The following TALDO1 variants were observed in gnomAD, a reference collection of about 807,000 sequenced individuals.
The protein encoded by TALDO1 is transaldolase 1.
A neutral mutation model predicts 38.1 loss-of-function variants in TALDO1; 29 were observed. That is an observed-to-expected ratio of 0.76 (90% confidence interval 0.57 to 1.04). The LOEUF is 1.04. Ranked by LOEUF, TALDO1 falls within the 50% of genes least tolerant of loss-of-function variation. The pLI, the probability that TALDO1 is intolerant of heterozygous loss-of-function variation, is 0.00. For missense variants in TALDO1, 499 were observed against 438.1 expected (o/e 1.14, Z -1.24); for synonymous variants, 207 against 176.8 (o/e 1.17, Z -1.36).
chr11:748,204 A>T (rs1331075469), intron 1 of TALDO1, among the ~76,000 whole-genome samples: 1 of 152,380 alleles, frequency 6.6e-6, no homozygotes, highest in Admixed American at 6.5e-5. Flanking sequence ...AGCTCTGACC[A>T]GAAGCTGCCA....
intron 4 of TALDO1, 105 bp from the exon 5 acceptor site, chr11:763,239 C>CCGCCCT (rs1862977635): frequency 7.2e-6 from 1 of 139,304 alleles, no homozygotes. Flanking sequence ...TCACCCGCCC[C>CCGCCCT]CGCCCTCACC....
Position 764,855 on chromosome 11 carries a change from G to A in TALDO1, c.*10G>A, listed in dbSNP as rs761367515. The A allele has an allele frequency of 6.2e-7, 1 of 1,613,910 alleles. No individual in the cohort carries two copies. The highest frequency in any genetic ancestry group is 1.3e-5 in the African/African-American group (1 of 74,936). On this transcript the variant is annotated 3_prime_UTR_variant, in exon 8 of 8. Transcript: ENST00000319006. The stretch of plus-strand genomic sequence containing the variant: ...AGAGAATGGAAAGTAGCGCATCCCT[G>A]AGGCTGGACTCCAGATCTGCACCGC...
At chr11:763,578 G>A in intron 5 of TALDO1, 59 bp downstream of exon 5, 2 of 1,606,548 alleles carry the variant, frequency 1.2e-6, no homozygotes, top group Non-Finnish European at 8.5e-7. Flanking sequence ...ACCTCAGGCA[G>A]GAAGAGCCCG....
At chr11:760,084 G>C in intron 3 of TALDO1, 38 bp from the exon 4 acceptor site, 4 of 1,612,418 alleles carry the variant, frequency 2.5e-6, no homozygotes, top group Non-Finnish European at 3.4e-6. Flanking sequence ...TGGGCAACCT[G>C]CGTGATCTGA....
intron 4 of TALDO1, among the ~76,000 whole-genome samples, 175 bp from the exon 5 acceptor site, chr11:763,169 C>CCTGGGCGTCGGGGTTCA (rs1554957490): frequency 6.7e-5 from 10 of 149,728 alleles, no homozygotes; most frequent in Non-Finnish European, 1.3e-4. Context: ...TCTGGGTGGG[C>CCTGGGCGTCGGGGTTCA]ACCTGGCCTG....
intron 7 of TALDO1, among the ~76,000 whole-genome samples, 165 bp from the exon 8 acceptor site, chr11:764,648 C>T (rs1438221414): frequency 6.6e-6 from 1 of 152,144 alleles, no homozygotes; most frequent in African/African-American, 2.4e-5. Flanking sequence ...CCTGGCTCCT[C>T]TCTGGCCTGT....
rs1564992495 is a variant in TALDO1, at chr11:759,035, G to A, written c.307G>A (p.Val103Ile). The A allele has an allele frequency of 1.2e-6, 2 of 1,612,828 alleles. No individual in the cohort carries two copies. Among genetic ancestry groups the A allele is most frequent in the Middle Eastern group, 1.7e-4 (1 of 6,060 alleles). The change falls in exon 3 of 8, where the codon GTA becomes ATA. Residue 103 changes from valine to isoleucine, a missense_variant. By Grantham distance (29) the Val-to-Ile change is conservative (BLOSUM62 3). Transcript: ENST00000319006. ...AEILKKIPGR[V>I]STEVDARLSF... ...AATACTAAAGAAGATTCCGGGCCGA[G>A]TATCCACAGAAGTAGACGCAAGGTA...
At chr11:753,561 AAAC>A (rs1162479213) in intron 1 of TALDO1, among the ~76,000 whole-genome samples, 2 of 151,724 alleles carry the variant, frequency 1.3e-5, no homozygotes, top group African/African-American at 2.4e-5. Context: ...ACAAAAAAAA[AAAC>A]ACAAAAAACC....
chr11:763,306 CCT>C lies in TALDO1; in HGVS notation c.462-36_462-35del. On this transcript the variant is annotated intron_variant, in intron 4 of 7. Coordinates refer to ENST00000319006, the MANE Select transcript of TALDO1 (RefSeq NM_006755.2). ...CGCCCCCGCCCTCACCTGTCCCCGC[CCT>C]CACCTGCCCCGCCCTCACCTGTCCC... The C allele has an allele frequency of 9.0e-5, 64 of 708,986 alleles. 19 individuals carry two copies. The highest frequency in any genetic ancestry group is 1.1e-4 in the East Asian group (2 of 17,576). The allele number at this position is 708,986 out of a possible 1,614,324, so 43.9% of individuals were successfully genotyped here. A position where few individuals can be genotyped will look rare whatever the true frequency, so the allele number is the denominator to read the frequency against.
At chr11:751,778 G>C (rs1312014952) in intron 1 of TALDO1, among the ~76,000 whole-genome samples, 1 of 152,042 alleles carries the variant, frequency 6.6e-6, no homozygotes, top group African/African-American at 2.4e-5. Flanking sequence ...CTGGGCGACA[G>C]AGCGAGACTC....
rs1564994961 is a variant in TALDO1 at position 764,427 on chromosome 11, G to A, written c.975G>A (p.Met325Ile). 5 of 1,610,348 alleles carry A rather than the reference G, an allele frequency of 3.1e-6. No individual in the cohort carries two copies. The highest frequency in any genetic ancestry group is 4.2e-6 in the Non-Finnish European group (5 of 1,177,498). ...CTGATGCAGTGAAGCTGGAGCGGAT[G>A]CTGACAGTGAGTGTTGTGTGTGGGT... ...FAADAVKLER[M>I]LTERMFNAEN... Residue 325 changes from methionine (M) to isoleucine (I), a missense_variant, in exon 7 of 8, where the codon ATG becomes ATA. Transcript: ENST00000319006.
At chr11:760,291 T>A in intron 4 of TALDO1, 38 bp downstream of exon 4, 1 of 1,611,154 alleles carries the variant, frequency 6.2e-7, no homozygotes, top group Non-Finnish European at 8.5e-7. Flanking sequence ...TCTCAGAGAT[T>A]TTTCCTCTGT....
rs773292742 is a variant in TALDO1, at chr11:747,486, C to T, written c.5C>T (p.Ser2Leu). 1.3e-6 allele frequency: 2 copies of T among 1,595,688 alleles called. No homozygotes were observed. Among genetic ancestry groups the T allele is most frequent in the South Asian group, 1.1e-5 (1 of 88,368 alleles). M[S>L]SSPVKRQRME... ...CGCAGACCCCTCGGTCTTGCTATGT[C>T]GAGCTCACCCGTGAAGCGTCAGAGG... Residue 2 changes from serine to leucine, a missense_variant, in exon 1 of 8, where the codon TCG becomes TTG. Transcript: ENST00000319006.
At chr11:759,371 C>G (rs1044936008) in intron 3 of TALDO1, among the ~76,000 whole-genome samples, 2 of 152,122 alleles carry the variant, frequency 1.3e-5, no homozygotes, top group Non-Finnish European at 2.9e-5. Context: ...AAGCGTTTCT[C>G]TGCCTCAGCC....
chr11:764,011 C>G, intron 6 of TALDO1, 67 bp downstream of exon 6: 2 of 1,563,378 alleles, frequency 1.3e-6, no homozygotes, highest in Non-Finnish European at 1.7e-6. Flanking sequence ...CCACGCTGCC[C>G]TGTGGGTGAT....
intron 2 of TALDO1, among the ~76,000 whole-genome samples, chr11:756,641 G>A (rs1047817520): frequency 3.3e-5 from 5 of 150,728 alleles, no homozygotes; most frequent in Admixed American, 1.3e-4. Flanking sequence ...TCAGCCTGCC[G>A]AGCAGCTGGG....
intron 4 of TALDO1, among the ~76,000 whole-genome samples, chr11:761,659 T>G (rs1022169436): frequency 2.6e-5 from 4 of 152,230 alleles, no homozygotes; most frequent in African/African-American, 9.6e-5. Context: ...CATCTGTGTG[T>G]CTGCATGTTC....
At chr11:751,763 C>G (rs916515933) in intron 1 of TALDO1, among the ~76,000 whole-genome samples, 2 of 152,022 alleles carry the variant, frequency 1.3e-5, no homozygotes, top group African/African-American at 2.4e-5. Flanking sequence ...CCACTGCACT[C>G]TAGCCTGGGC....
chr11:755,701 C>A, intron 1 of TALDO1, 178 bp from the exon 2 acceptor site: 3 of 815,878 alleles, frequency 3.7e-6, no homozygotes, highest in Admixed American at 2.2e-5. Context: ...ATGCAAACAG[C>A]CGCCTCTTGA....
Sources: allele counts gnomAD v4.1 joint callset (sites outside exome capture counted in the v4.1 genomes callset), GRCh38; gene constraint gnomAD v4.1.1; transcripts MANE v1.5; gene names NCBI Gene and HGNC (gene_info 2026-07-23, HGNC 2026-07-21).